Variants in C14orf39 observed in about 807,000 individuals in gnomAD.
The protein encoded by C14orf39 is chromosome 14 open reading frame 39, also known as protein SIX6OS1.
A neutral mutation model predicts 85.6 loss-of-function variants in C14orf39; 66 were observed. The observed-to-expected ratio is 0.77, with a 90% CI of 0.63 to 0.95. The LOEUF is 0.95. Among genes scored for constraint, C14orf39 ranks in the 40% least tolerant of loss-of-function variants. The pLI is 0.00. For missense variants in C14orf39, 735 were observed against 663.9 expected, an observed-to-expected ratio of 1.11 and a Z score of -1.18; for synonymous variants, 242 against 214.0, an observed-to-expected ratio of 1.13 and a Z score of -1.14.
intron 1 of C14orf39, among the ~76,000 whole-genome samples, 175 bp downstream of exon 1, chr14:60,485,770 C>T (rs376223619): frequency 1.3e-5 from 2 of 152,040 alleles, no homozygotes; most frequent in South Asian, 2.1e-4. Context: ...ACACCGCATC[C>T]CCCCCATCCC....
chr14:60,505,828 T>A (rs1230298105), intron 1 of C14orf39, among the ~76,000 whole-genome samples: 2 of 152,198 alleles, frequency 1.3e-5, no homozygotes, highest in Non-Finnish European at 2.9e-5. Flanking sequence ...ACTGCTCTCC[T>A]CTGGCAAATG....
Position 60,511,236 on chromosome 14 carries a change from G to T in C14orf39, c.-144+4159C>A, listed in dbSNP as rs746623345. 168 of 1,613,324 alleles carry T rather than the reference G, an allele frequency of 1.0e-4. No individual in the cohort carries two copies. Among genetic ancestry groups the T allele is most frequent in the Non-Finnish European group, 1.4e-4 (163 of 1,179,964 alleles). Reference sequence around the variant, plus strand: ...GCCATCTCCATCACGTCCAGCGACAGCGAGTGCGACATCTGAGTTGCCCAT... The same window carrying T: ...GCCATCTCCATCACGTCCAGCGACATCGAGTGCGACATCTGAGTTGCCCAT... On this transcript the variant is annotated intron_variant, in intron 1 of 5. Coordinates refer to the C14orf39 transcript ENST00000556799.
chr14:60,490,451 A>C (rs770561739), upstream of C14orf39, among the ~76,000 whole-genome samples: 24 of 5,216 alleles, frequency 4.6e-3, no homozygotes, highest in Non-Finnish European at 0.023. Context: ...AAATAAATAA[A>C]TGAATAAATA....
chr14:60,509,608 C>CT, intron 1 of C14orf39: 1 of 1,613,632 alleles, frequency 6.2e-7, no homozygotes. Flanking sequence ...ACCGCGAGCT[C>CT]TATCATATCC....
chr14:60,443,858 C>T (rs956223122), intron 16 of C14orf39, among the ~76,000 whole-genome samples: 3 of 152,182 alleles, frequency 2.0e-5, no homozygotes, highest in Non-Finnish European at 4.4e-5. Flanking sequence ...TGCTGTTCTG[C>T]AATATTTACT....
At chr14:60,509,105 G>C (rs528552270) in intron 1 of C14orf39, 73 of 479,754 alleles carry the variant, frequency 1.5e-4, no homozygotes, top group African/African-American at 1.3e-3. Context: ...GTGACTGACA[G>C]GGGGTCTCCA....
chr14:60,514,020 T>G (rs1425734725), intron 1 of C14orf39, among the ~76,000 whole-genome samples: 2 of 152,250 alleles, frequency 1.3e-5, no homozygotes, highest in South Asian at 2.1e-4. Flanking sequence ...GACACATTAC[T>G]TGTAAGATTT....
intron 4 of C14orf39, among the ~76,000 whole-genome samples, chr14:60,479,044 CTTT>C (rs1273300902): frequency 3.3e-5 from 5 of 151,708 alleles, no homozygotes; most frequent in African/African-American, 1.2e-4. Context: ...TTTTTTCTAA[CTTT>C]TTTTTCAGAT....
chr14:60,489,822 A>G (rs901458317), upstream of C14orf39, among the ~76,000 whole-genome samples: 3 of 152,216 alleles, frequency 2.0e-5, no homozygotes, highest in South Asian at 2.1e-4. Flanking sequence ...AGTCAACATC[A>G]TATTTCTCTC....
intron 11 of C14orf39, among the ~76,000 whole-genome samples, chr14:60,465,767 G>A (rs1180682816): frequency 6.7e-6 from 1 of 149,086 alleles, no homozygotes; most frequent in Non-Finnish European, 1.5e-5. Context: ...ACAGGTTACA[G>A]TATATAATCA....
At chr14:60,459,448 C>T (rs1303033294) in intron 13 of C14orf39, among the ~76,000 whole-genome samples, 2 of 151,480 alleles carry the variant, frequency 1.3e-5, no homozygotes, top group African/African-American at 2.4e-5. Context: ...TTACTAGATG[C>T]CAAATTTTTC....
At chr14:60,511,993 A>G (rs866755316) in intron 1 of C14orf39, 1 of 152,894 alleles carries the variant, frequency 6.5e-6, no homozygotes, top group Middle Eastern at 3.4e-3. Context: ...TCCCACGTCA[A>G]ATTACACGTA....
chr14:60,458,560 G>A (rs1566663579), intron 14 of C14orf39, 118 bp downstream of exon 14: 1 of 651,874 alleles, frequency 1.5e-6, no homozygotes, highest in Non-Finnish European at 2.5e-6. Flanking sequence ...CTAGAAACCT[G>A]ATCACCAAGC....
chr14:60,436,841 T>C lies in C14orf39; in HGVS notation c.*4A>G, dbSNP rs763139319. On this transcript the variant is annotated 3_prime_UTR_variant, in exon 18 of 18. Transcript: ENST00000321731. ...TAAAATAATTTAAGGAATTAATGAC[T>C]AGCTCAAAAAAAAGTAAACTGTGTT... 13 of 1,579,514 alleles carry C rather than the reference T, an allele frequency of 8.2e-6. No individual in the cohort carries two copies. In the Admixed American group the frequency reaches 1.0e-4, roughly 13 times the overall value.
chr14:60,455,075 T>G lies in C14orf39; in HGVS notation c.1429A>C (p.Ser477Arg). The G allele has an allele frequency of 6.3e-7, 1 of 1,579,296 alleles. No individual in the cohort carries two copies. The highest frequency in any genetic ancestry group is 2.3e-5 in the East Asian group (1 of 42,654). The change falls in exon 16 of 18, where the codon AGT becomes CGT. Residue 477 changes from serine (S) to arginine (R), a missense_variant. Coordinates refer to ENST00000321731, the MANE Select transcript of C14orf39 (RefSeq NM_174978.3). ...KESPGLSFLM[S>R]YTSRSPGLNL... The stretch of plus-strand genomic sequence containing the variant: ...AATCCAGGTGATCTAGAAGTATAAC[T>G]CATAAGAAAAGAAAGTCCAGGGGAT...
intron 16 of C14orf39, among the ~76,000 whole-genome samples, chr14:60,450,604 A>C (rs1890986304): frequency 6.6e-6 from 1 of 152,196 alleles, no homozygotes; most frequent in African/African-American, 2.4e-5. Flanking sequence ...ACCTGAAGGG[A>C]TGGACACAAA....
intron 1 of C14orf39, chr14:60,511,384 C>A: frequency 2.6e-6 from 3 of 1,152,068 alleles, no homozygotes; most frequent in Admixed American, 3.9e-5. Context: ...CCCGCGGGCT[C>A]GGGTTGCCGT....
intron 16 of C14orf39, among the ~76,000 whole-genome samples, chr14:60,448,074 T>G (rs970080657): frequency 2.0e-5 from 3 of 152,138 alleles, no homozygotes; most frequent in East Asian, 1.9e-4. Context: ...ATGTAAGACC[T>G]AAAACCATAA....
In C14orf39 at chr14:60,500,481, C is replaced by T. The variant is rs572067193; in HGVS notation, c.-143-1051G>A. 7.2e-5 allele frequency among the ~76,000 whole-genome samples: 11 copies of T among 152,320 alleles called. No individual in the cohort carries two copies. The South Asian group carries it at 2.3e-3, about 32-fold the overall frequency. On this transcript the variant is annotated intron_variant, in intron 1 of 5. Coordinates refer to the C14orf39 transcript ENST00000556799. ...ATTTGAAGGAAAAAACTGGACAATA[C>T]ATAAACATGTTCCTTGCTTCATTGT...
Sources: gnomAD v4.1 joint callset for allele counts (sites outside exome capture counted in the v4.1 genomes callset) on GRCh38, gnomAD v4.1.1 for gene constraint, MANE v1.5 for transcripts, NCBI Gene and HGNC (gene_info 2026-07-23, HGNC 2026-07-21) for gene names.